Variants in TBC1D9 observed in about 807,000 individuals in gnomAD.
TBC1D9 encodes the protein TBC1 domain family member 9.
TBC1D9 carries 63 observed loss-of-function variants against 132.0 expected under a neutral mutation model. The ratio of observed to expected loss-of-function variants is 0.48; its 90% CI spans 0.39 to 0.59. The LOEUF is 0.59. Ranked by LOEUF, TBC1D9 falls within the 20% of genes least tolerant of loss-of-function variation. The probability of loss-of-function intolerance (pLI) is 0.00; values close to 1 mark genes in which losing one functional copy is unlikely to be tolerated. For missense variants in TBC1D9, 1,261 were observed against 1,592.7 expected (o/e 0.79, Z 3.54); for synonymous variants, 610 against 609.9 (o/e 1.00, Z 0.00).
At chr4:140,693,771 T>C (rs1288121497) in intron 2 of TBC1D9, among the ~76,000 whole-genome samples, 4 of 152,218 alleles carry the variant, frequency 2.6e-5, no homozygotes, top group South Asian at 2.1e-4. Context: ...GGAACACTTA[T>C]GTTTGATTGC....
intron 11 of TBC1D9, 84 bp downstream of exon 11, chr4:140,659,504 A>G (rs2110998910): frequency 2.2e-6 from 2 of 929,754 alleles, no homozygotes; most frequent in South Asian, 1.8e-5. Context: ...TATGGTGACC[A>G]GAAATAGTGT....
At chr4:140,754,100 G>A (rs1738966800) in intron 1 of TBC1D9, among the ~76,000 whole-genome samples, 1 of 152,148 alleles carries the variant, frequency 6.6e-6, no homozygotes, top group South Asian at 2.1e-4. Flanking sequence ...ATTTCAAGTG[G>A]ACCGTAGTCA....
intron 1 of TBC1D9, among the ~76,000 whole-genome samples, chr4:140,721,032 G>A (rs2111058206): frequency 6.6e-6 from 1 of 152,276 alleles, no homozygotes; most frequent in East Asian, 1.9e-4. Flanking sequence ...TTTGAAGAAG[G>A]TTCCCGGACT....
At chr4:140,679,339 ATT>A in intron 4 of TBC1D9, 136 bp from the exon 5 acceptor site, 1 of 983,622 alleles carries the variant, frequency 1.0e-6, no homozygotes, top group Non-Finnish European at 1.5e-6. Flanking sequence ...TTGCTTGTTC[ATT>A]TTAAGAGGTA....
intron 13 of TBC1D9, among the ~76,000 whole-genome samples, chr4:140,651,559 A>C (rs1737187922): frequency 6.6e-6 from 1 of 152,242 alleles, no homozygotes; most frequent in Non-Finnish European, 1.5e-5. Context: ...TTTTCTTTTG[A>C]GGTATAAACA....
chr4:140,654,335 G>A (rs778940974), intron 13 of TBC1D9, among the ~76,000 whole-genome samples: 1 of 152,170 alleles, frequency 6.6e-6, no homozygotes, highest in African/African-American at 2.4e-5. Flanking sequence ...GGAAGGGGGT[G>A]TCTGTAATGA....
intron 2 of TBC1D9, among the ~76,000 whole-genome samples, chr4:140,699,027 T>C (rs1738022385): frequency 3.3e-5 from 5 of 152,178 alleles, no homozygotes; most frequent in Non-Finnish European, 1.5e-5. Flanking sequence ...TAATTGTCTT[T>C]ATATTTTTAG....
intron 1 of TBC1D9, among the ~76,000 whole-genome samples, chr4:140,720,268 C>T (rs1313603734): frequency 6.6e-6 from 1 of 152,050 alleles, no homozygotes; most frequent in East Asian, 1.9e-4. Context: ...ACTGCTTAAA[C>T]TTTATCAATA....
intron 15 of TBC1D9, among the ~76,000 whole-genome samples, chr4:140,635,150 C>T (rs1035267173): frequency 1.3e-4 from 20 of 151,934 alleles, no homozygotes; most frequent in African/African-American, 4.8e-4. Flanking sequence ...CTGAATATTT[C>T]ACTATAAGCA....
chr4:140,650,794 C>T (rs1038991204), intron 13 of TBC1D9, among the ~76,000 whole-genome samples: 1 of 152,182 alleles, frequency 6.6e-6, no homozygotes, highest in Non-Finnish European at 1.5e-5. Flanking sequence ...CTTGGCCTCC[C>T]AAAGTGCTGG....
Position 140,700,216 on chromosome 4 carries a change from G to A in TBC1D9, c.241+1288C>T, listed in dbSNP as rs555778703. 9.3e-3 allele frequency among the ~76,000 whole-genome samples: 1,414 copies of A among 152,220 alleles called. 11 individuals carry two copies. The highest frequency in any genetic ancestry group is 0.014 in the Non-Finnish European group (961 of 68,020). On this transcript the variant is annotated intron_variant, in intron 2 of 20. Coordinates refer to ENST00000442267, the MANE Select transcript of TBC1D9 (RefSeq NM_015130.3). The stretch of plus-strand genomic sequence containing the variant: ...TGTAATCCCAGCACTTTGGGAGGTT[G>A]AGGGGGGCGGATCACCTGAGGTCAG...
intron 13 of TBC1D9, among the ~76,000 whole-genome samples, chr4:140,654,597 T>C (rs1578826600): frequency 6.6e-6 from 1 of 152,162 alleles, no homozygotes; most frequent in East Asian, 1.9e-4. Context: ...AGGATTCCTT[T>C]AGAAAAGCAA....
rs779300579 is a variant in TBC1D9 at position 140,755,935 on chromosome 4, G to A, written c.111C>T (p.Gly37=). ...CCTTACCCGCCAGTCCGCCGCCGCC[G>A]CCTCCATCGCCGGCGTGGCCCTTCC... ...QRRKGHAGDG[G]GGGGLAGLLV... The change falls in exon 1 of 21, where the codon GGC becomes GGT. Residue 37 remains glycine, a synonymous_variant. Coordinates refer to ENST00000442267, the MANE Select transcript of TBC1D9 (RefSeq NM_015130.3). 3.2e-6 allele frequency: 5 copies of A among 1,582,708 alleles called. No individual in the cohort carries two copies. The highest frequency in any genetic ancestry group is 1.8e-5 in the Admixed American group (1 of 56,240).
chr4:140,712,927 G>A (rs568962846), intron 1 of TBC1D9, among the ~76,000 whole-genome samples: 1 of 152,098 alleles, frequency 6.6e-6, no homozygotes, highest in Non-Finnish European at 1.5e-5. Context: ...TTTTATTTCT[G>A]CAACCGGTTA....
intron 3 of TBC1D9, among the ~76,000 whole-genome samples, chr4:140,681,319 T>C (rs1232341625): frequency 6.6e-6 from 1 of 152,130 alleles, no homozygotes; most frequent in East Asian, 1.9e-4. Flanking sequence ...ATCATTCTTT[T>C]CCCCCCACAT....
rs538348287 is a variant in TBC1D9, at chr4:140,737,214, C to T, written c.130+18702G>A. On this transcript the variant is annotated intron_variant, in intron 1 of 20. Transcript: ENST00000442267. ...GCTTGCCTTCCTGAGTACTGGACTG[C>T]GCCTTGGGGTTTGGGGACCCCTGCT... 7.9e-5 allele frequency among the ~76,000 whole-genome samples: 12 copies of T among 152,150 alleles called. No homozygotes were observed. The East Asian group carries it at 9.7e-4, about 12-fold the overall frequency.
chr4:140,636,282 C>A (rs1329750815), intron 15 of TBC1D9, among the ~76,000 whole-genome samples: 6 of 152,196 alleles, frequency 3.9e-5, no homozygotes, highest in African/African-American at 1.4e-4. Flanking sequence ...AAGGTGCATT[C>A]TTTAACCTTT....
intron 13 of TBC1D9, among the ~76,000 whole-genome samples, chr4:140,653,302 G>T (rs968039812): frequency 6.6e-6 from 1 of 152,160 alleles, no homozygotes; most frequent in Middle Eastern, 3.4e-3. Flanking sequence ...CAATTGTCAC[G>T]GCTAATTATC....
intron 13 of TBC1D9, among the ~76,000 whole-genome samples, chr4:140,656,025 G>A (rs2110995341): frequency 6.6e-6 from 1 of 152,122 alleles, no homozygotes; most frequent in Non-Finnish European, 1.5e-5. Context: ...GCCACAGCTT[G>A]TCTTGCCATG....
Sources: gnomAD v4.1 joint callset for allele counts (sites outside exome capture counted in the v4.1 genomes callset) on GRCh38, gnomAD v4.1.1 for gene constraint, MANE v1.5 for transcripts, NCBI Gene and HGNC (gene_info 2026-07-23, HGNC 2026-07-21) for gene names.